Variants in ALOX5AP observed in about 807,000 individuals in gnomAD.
ALOX5AP encodes arachidonate 5-lipoxygenase-activating protein.
Under a neutral mutation model 18.5 loss-of-function variants are expected in ALOX5AP, and 9 were observed. The ratio of observed to expected loss-of-function variants is 0.49; its 90% CI spans 0.29 to 0.85. The LOEUF (loss-of-function observed/expected upper bound fraction) is 0.85, where lower values mean the gene tolerates loss of function less well. ALOX5AP is among the 40% of genes least tolerant of loss of function. The pLI is 0.08. For missense variants in ALOX5AP, 172 were observed against 202.5 expected (o/e 0.85, Z 0.91); for synonymous variants, 81 against 78.6 (o/e 1.03, Z -0.16).
At chr13:30,727,423 G>C (rs1248703699) in intron 1 of ALOX5AP, among the ~76,000 whole-genome samples, 1 of 152,134 alleles carries the variant, frequency 6.6e-6, no homozygotes, top group Non-Finnish European at 1.5e-5. Context: ...GTAAGCCCTG[G>C]TAGATGTGTA....
At chr13:30,739,934 G>C (rs1260505205) in intron 1 of ALOX5AP, among the ~76,000 whole-genome samples, 1 of 152,174 alleles carries the variant, frequency 6.6e-6, no homozygotes, top group Non-Finnish European at 1.5e-5. Context: ...TTCTTATGTT[G>C]AGCTGAAATC....
At chr13:30,749,305 A>C (rs938656965) in intron 2 of ALOX5AP, among the ~76,000 whole-genome samples, 6 of 152,348 alleles carry the variant, frequency 3.9e-5, no homozygotes, top group African/African-American at 1.2e-4. Context: ...TCGCTACTTA[A>C]AAACAAACCA....
At chr13:30,756,148 G>A in intron 4 of ALOX5AP, 123 bp downstream of exon 4, 3 of 848,216 alleles carry the variant, frequency 3.5e-6, no homozygotes, top group South Asian at 1.5e-5. Flanking sequence ...GGGTGGGAGG[G>A]GGAAGGCTGA....
intron 4 of ALOX5AP, 123 bp from the exon 5 acceptor site, chr13:30,763,821 C>A: frequency 1.2e-6 from 1 of 865,998 alleles, no homozygotes; most frequent in Non-Finnish European, 1.8e-6. Flanking sequence ...GAAAATGGAG[C>A]ATTGTTGAGT....
intron 4 of ALOX5AP, among the ~76,000 whole-genome samples, chr13:30,763,599 A>C (rs1243700370): frequency 6.6e-6 from 1 of 152,186 alleles, no homozygotes; most frequent in Non-Finnish European, 1.5e-5. Flanking sequence ...CCTAATGCTC[A>C]GTGAGGATGC....
At chr13:30,745,525 A>G (rs1485559744) in intron 2 of ALOX5AP, among the ~76,000 whole-genome samples, 2 of 152,206 alleles carry the variant, frequency 1.3e-5, no homozygotes, top group Admixed American at 6.5e-5. Flanking sequence ...ACTTCTGTCC[A>G]GGGCTATTCC....
chr13:30,719,555 G>C (rs570189458), intron 1 of ALOX5AP, among the ~76,000 whole-genome samples: 1 of 152,180 alleles, frequency 6.6e-6, no homozygotes, highest in Non-Finnish European at 1.5e-5. Flanking sequence ...AGAGAACTAA[G>C]CTTGTTACAA....
intron 2 of ALOX5AP, among the ~76,000 whole-genome samples, chr13:30,749,128 C>A (rs893908616): frequency 6.6e-5 from 10 of 152,214 alleles, no homozygotes; most frequent in African/African-American, 2.4e-4. Flanking sequence ...GAATTTCATT[C>A]AACTCCAGGC....
At chr13:30,730,420 C>T (rs1951672002) in intron 1 of ALOX5AP, among the ~76,000 whole-genome samples, 1 of 152,224 alleles carries the variant, frequency 6.6e-6, no homozygotes, top group Non-Finnish European at 1.5e-5. Flanking sequence ...GTATCACTTA[C>T]TATTCAGCTC....
At chr13:30,713,487 C>T (rs775336381) in exon 1 of ALOX5AP, 3 of 489,520 alleles carry the variant, frequency 6.1e-6, no homozygotes, top group Non-Finnish European at 1.1e-5. Context: ...TTCCTATTAT[C>T]TGGGCATTTG....
intron 1 of ALOX5AP, 99 bp downstream of exon 1, chr13:30,735,774 T>C: frequency 5.4e-6 from 7 of 1,295,084 alleles, no homozygotes; most frequent in Non-Finnish European, 7.6e-6. Context: ...TGTGTGCGCA[T>C]GCACAAACAC....
chr13:30,753,975 C>T (rs1951871874), intron 3 of ALOX5AP, among the ~76,000 whole-genome samples: 1 of 152,220 alleles, frequency 6.6e-6, no homozygotes, highest in Admixed American at 6.5e-5. Context: ...CACAGTGGCT[C>T]ATGCCTGTAA....
chr13:30,717,465 A>AG (rs1951558836), intron 1 of ALOX5AP, among the ~76,000 whole-genome samples: 1 of 152,182 alleles, frequency 6.6e-6, no homozygotes, highest in Non-Finnish European at 1.5e-5. Context: ...TCCCAGTCAG[A>AG]GGGCTGGCCT....
chr13:30,754,502 C>T (rs527936011), intron 3 of ALOX5AP, among the ~76,000 whole-genome samples: 6 of 152,192 alleles, frequency 3.9e-5, no homozygotes, highest in African/African-American at 1.2e-4. Context: ...TATAAAGCTC[C>T]TGACACAGTG....
In ALOX5AP at chr13:30,740,107, T is replaced by C. The variant is rs143755326; in HGVS notation, c.71-3953T>C. Among the ~76,000 whole-genome samples, 41 of 152,330 alleles carry C rather than the reference T, an allele frequency of 2.7e-4. No individual in the cohort carries two copies. The East Asian group carries it at 6.4e-3, about 24-fold the overall frequency. ...CTGGGTCTCCTCTCCTCTTCCTGTG[T>C]TCTTTCTAAGAACACCTATGCAGAT... is the stretch of plus-strand genomic sequence containing the variant. On this transcript the variant is annotated intron_variant, in intron 1 of 4. Transcript: ENST00000380490.
chr13:30,724,126 A>C (rs566008332), intron 1 of ALOX5AP, among the ~76,000 whole-genome samples: 4 of 152,118 alleles, frequency 2.6e-5, no homozygotes, highest in Admixed American at 6.5e-5. Context: ...GGCAACCACC[A>C]ATCTGCTTTC....
upstream of ALOX5AP, chr13:30,735,508 A>T: frequency 1.3e-6 from 2 of 1,564,806 alleles, no homozygotes; most frequent in East Asian, 4.6e-5. Flanking sequence ...CAGAAATTGT[A>T]ATGATGAAAG....
intron 1 of ALOX5AP, among the ~76,000 whole-genome samples, chr13:30,743,455 G>A (rs1245943030): frequency 6.6e-6 from 1 of 151,922 alleles, no homozygotes; most frequent in Non-Finnish European, 1.5e-5. Flanking sequence ...TTGAAAGAAT[G>A]ATTCATCACC....
intron 4 of ALOX5AP, among the ~76,000 whole-genome samples, chr13:30,756,927 A>G (rs1951900993): frequency 6.6e-6 from 1 of 152,068 alleles, no homozygotes; most frequent in South Asian, 2.1e-4. Flanking sequence ...AAAGCAGCAC[A>G]GTACCTTCCT....
Sources: gnomAD v4.1 joint callset for allele counts (sites outside exome capture counted in the v4.1 genomes callset) on GRCh38, gnomAD v4.1.1 for gene constraint, MANE v1.5 for transcripts, NCBI Gene and HGNC (gene_info 2026-07-23, HGNC 2026-07-21) for gene names.